STAU1: variants seen among roughly 807,000 people sequenced by gnomAD.
STAU1 encodes the protein double-stranded RNA-binding protein Staufen homolog 1.
A neutral mutation model predicts 62.9 loss-of-function variants in STAU1; 13 were observed. The ratio of observed to expected loss-of-function variants is 0.21; its 90% CI spans 0.13 to 0.33. The LOEUF (loss-of-function observed/expected upper bound fraction) is 0.33. Among genes scored for constraint, STAU1 ranks in the 10% least tolerant of loss-of-function variants. STAU1 has a pLI of 1.00. For missense variants in STAU1, 571 were observed against 712.1 expected, an observed-to-expected ratio of 0.80 and a Z score of 2.25; for synonymous variants, 269 against 265.1, an observed-to-expected ratio of 1.01 and a Z score of -0.14.
At chr20:49,171,171 C>T (rs1346107686) in intron 2 of STAU1, among the ~76,000 whole-genome samples, 1 of 152,202 alleles carries the variant, frequency 6.6e-6, no homozygotes, top group Non-Finnish European at 1.5e-5. Flanking sequence ...AGGCTCCACT[C>T]CCAGAGAAAC....
chr20:49,179,867 T>C (rs2093702661), intron 1 of STAU1, among the ~76,000 whole-genome samples: 1 of 152,210 alleles, frequency 6.6e-6, no homozygotes, highest in Non-Finnish European at 1.5e-5. Context: ...CAACACCTAT[T>C]AGTGATTAAT....
chr20:49,216,226 TA>T, the STAU1 span, among the ~76,000 whole-genome samples: 7,780 of 149,972 alleles, frequency 0.052, 661 homozygotes, highest in African/African-American at 0.18. Flanking sequence ...CCTTATATCT[TA>T]AAAAAAAATC....
At position 49,170,438 on chromosome 20, in the gene STAU1, C is replaced by T. The variant is rs376519992; in HGVS notation, c.-85+3757G>A. On this transcript the variant is annotated intron_variant, in intron 2 of 13. Transcript: ENST00000371856. ...CGATCTTGGCTCACCGTAACCTCTG[C>T]CTCCCAGGTTCAAGTGATTCTCCTG... is the stretch of plus-strand genomic sequence containing the variant. 4.6e-5 allele frequency among the ~76,000 whole-genome samples: 7 copies of T among 152,162 alleles called. No individual in the cohort carries two copies. The East Asian group carries it at 7.7e-4, about 17-fold the overall frequency.
rs554386145 is a variant in STAU1 at position 49,123,307 on chromosome 20, A to G, written c.823-72T>C. The stretch of plus-strand genomic sequence containing the variant: ...GAACTTGGTCAACTCAGAGATCAGG[A>G]TATGAGAGGAGATAAGAGATTTTGG... On this transcript the variant is annotated intron_variant, in intron 7 of 13. Transcript: ENST00000371856. The G allele has an allele frequency of 3.1e-4, 499 of 1,605,054 alleles. 1 individual carries two copies. Among genetic ancestry groups the G allele is most frequent in the Non-Finnish European group, 4.0e-4 (474 of 1,172,818 alleles).
rs755614763 is a variant in STAU1 at position 49,117,959 on chromosome 20, C to G, written c.1327G>C (p.Ala443Pro). 6.2e-7 allele frequency: 1 copy of G among 1,614,212 alleles called. No homozygotes were observed. Among genetic ancestry groups the G allele is most frequent in the Non-Finnish European group, 8.5e-7 (1 of 1,180,034 alleles). ...ACCGTGGCCTTGGCAGGATTCGGAGCTGCCCTGGTAAAATCTTTGGTGTGA... is the reference window on the plus strand; with the variant it reads ...ACCGTGGCCTTGGCAGGATTCGGAGGTGCCCTGGTAAAATCTTTGGTGTGA... ...GHHTKDFTRA[A>P]PNPAKATVTA... The change falls in exon 11 of 14, where the codon GCT (alanine) becomes CCT (proline). Residue 443 changes from alanine to proline, a missense_variant. Around this residue, in one of 3 missense-constraint regions of STAU1, gnomAD observed 156 missense variants for 194.7 expected, o/e 0.80. Coordinates refer to ENST00000371856, the MANE Select transcript of STAU1 (RefSeq NM_017453.4). This position sits in a 1 kb window ranked among gnomAD's most constrained non-coding sequence, Gnocchi z 4.6.
In STAU1 at chr20:49,134,434, G is replaced by GAAAAA. The variant is rs3091730; in HGVS notation, c.609+1394_609+1398dup. ...CGACAAGAGTGAAACTCATCTCAGGGAAAAAAAAAAAAAAAGCTCTGGGTT... is the reference window on the plus strand; with the variant it reads ...CGACAAGAGTGAAACTCATCTCAGGGAAAAAAAAAAAAAAAAAAAAGCTCTGGGTT... On this transcript the variant is annotated intron_variant, in intron 6 of 13. Transcript: ENST00000371856. The GAAAAA allele has an allele frequency of 2.8e-3, 1,202 of 435,786 alleles. 120 individuals are homozygous for GAAAAA. The highest frequency in any genetic ancestry group is 0.018 in the African/African-American group (689 of 39,158). 27.0% of individuals were successfully genotyped at this position (435,786 alleles called of 1,614,324 possible). A position where few individuals can be genotyped will look rare whatever the true frequency, so the allele number is the denominator to read the frequency against.
the STAU1 span, among the ~76,000 whole-genome samples, chr20:49,210,967 C>A: frequency 6.6e-6 from 1 of 152,092 alleles, no homozygotes; most frequent in African/African-American, 2.4e-5. Flanking sequence ...CCCCATCCCC[C>A]AATTCCCTAA....
At chr20:49,152,635 T>C (rs1294968560) in intron 4 of STAU1, among the ~76,000 whole-genome samples, 2 of 152,018 alleles carry the variant, frequency 1.3e-5, no homozygotes. Flanking sequence ...CCACCACACC[T>C]GGCCTCCACT....
chr20:49,151,545 T>C, intron 5 of STAU1, 37 bp downstream of exon 5: 2 of 1,545,696 alleles, frequency 1.3e-6, no homozygotes, highest in Non-Finnish European at 1.7e-6. Flanking sequence ...CCTCCTACCC[T>C]GTCGAAGCGT....
At chr20:49,207,379 A>C in the STAU1 span, among the ~76,000 whole-genome samples, 1 of 152,154 alleles carries the variant, frequency 6.6e-6, no homozygotes, top group East Asian at 1.9e-4. Context: ...GAGCAGGGTT[A>C]GTGGAAGGCT....
At chr20:49,158,644 T>C (rs2093401506) in intron 3 of STAU1, 5 of 590,490 alleles carry the variant, frequency 8.5e-6, no homozygotes, top group South Asian at 7.2e-5. Context: ...ACCCCATCTC[T>C]ACTAAAAATG....
intron 3 of STAU1, among the ~76,000 whole-genome samples, chr20:49,163,418 CCTTT>C (rs2093478996): frequency 8.4e-6 from 1 of 119,536 alleles, no homozygotes; most frequent in Non-Finnish European, 1.7e-5. Flanking sequence ...AGTGTTTAAA[CCTTT>C]TTTTTTTTTT....
At chr20:49,134,950 C>T in intron 6 of STAU1, 1 of 1,599,378 alleles carries the variant, frequency 6.3e-7, no homozygotes, top group Non-Finnish European at 8.6e-7. Context: ...ATAAACCCAG[C>T]ACGTGGTGGA....
the STAU1 span, among the ~76,000 whole-genome samples, chr20:49,202,171 C>G: frequency 3.2e-4 from 45 of 139,296 alleles, 2 homozygotes; most frequent in Non-Finnish European, 4.7e-4. Context: ...AGTGAGCCAA[C>G]ATCGTGCCAC....
chr20:49,142,664 A>C (rs1461868962), intron 5 of STAU1, among the ~76,000 whole-genome samples: 2 of 152,136 alleles, frequency 1.3e-5, no homozygotes, highest in African/African-American at 4.8e-5. Context: ...TTATTTTTTA[A>C]ATAAGTCCCC....
intron 1 of STAU1, among the ~76,000 whole-genome samples, chr20:49,185,120 T>C (rs1260849015): frequency 6.6e-6 from 1 of 152,226 alleles, no homozygotes; most frequent in African/African-American, 2.4e-5. Context: ...CGGGGGCACT[T>C]TGGAAAACAA....
Position 49,118,337 on chromosome 20 carries a change from C to T in STAU1, c.1185G>A (p.Gly395=). 1.9e-6 allele frequency: 3 copies of T among 1,613,444 alleles called. No individual in the cohort carries two copies. The highest frequency in any genetic ancestry group is 2.5e-6 in the Non-Finnish European group (3 of 1,179,510). Residue 395 remains glycine (G), a synonymous_variant, in exon 10 of 14, where the codon GGG becomes GGA. Coordinates refer to ENST00000371856, the MANE Select transcript of STAU1 (RefSeq NM_017453.4). Reference sequence around the variant, plus strand: ...CGATATTAAGATCACACTTACTAGTCCCATTTTCATCCCCAGAGCCAGGTT... The same window carrying T: ...CGATATTAAGATCACACTTACTAGTTCCATTTTCATCCCCAGAGCCAGGTT... ...FFEPGSGDEN[G]TSNKEDEFRM...
At chr20:49,203,145 G>T in the STAU1 span, among the ~76,000 whole-genome samples, 1 of 151,784 alleles carries the variant, frequency 6.6e-6, no homozygotes, top group Non-Finnish European at 1.5e-5. Context: ...TCAATGAGGG[G>T]TGGGCATGGT....
intron 6 of STAU1, among the ~76,000 whole-genome samples, chr20:49,130,591 T>A (rs2092728638): frequency 6.6e-6 from 1 of 151,952 alleles, no homozygotes; most frequent in African/African-American, 2.4e-5. Flanking sequence ...ACTTTGGGTT[T>A]AAAAAAAAGC....
Sources: allele counts gnomAD v4.1 joint callset (sites outside exome capture counted in the v4.1 genomes callset), GRCh38; gene constraint gnomAD v4.1.1; regional missense constraint gnomAD v4.1.1; non-coding constraint Gnocchi (gnomAD v3.1); transcripts MANE v1.5; gene names NCBI Gene and HGNC (gene_info 2026-07-23, HGNC 2026-07-21).